The following RPA3 variants were observed in gnomAD, a reference collection of about 807,000 sequenced individuals.
The protein encoded by RPA3 is replication protein A3.
RPA3 carries 24 observed loss-of-function variants against 13.7 expected under a neutral mutation model. The ratio of observed to expected loss-of-function variants is 1.75; its 90% CI spans 1.27 to 2.46. The LOEUF is 2.46. Among genes scored for constraint, RPA3 ranks in the 30% most tolerant of loss-of-function variants. The pLI, the probability that RPA3 is intolerant of heterozygous loss-of-function variation, is 0.00. For synonymous variants in RPA3, 59 were observed against 51.2 expected (o/e 1.15, Z -0.65); for missense variants, 183 against 151.0 (o/e 1.21, Z -1.11).
chr7:7,708,442 A>G (rs1334486290), intron 2 of RPA3, among the ~76,000 whole-genome samples: 3 of 152,290 alleles, frequency 2.0e-5, no homozygotes, highest in Admixed American at 1.3e-4. Flanking sequence ...CCCTTATTCA[A>G]TCACCCATGT....
chr7:7,705,630 C>A (rs1290259159), intron 2 of RPA3, among the ~76,000 whole-genome samples: 1 of 152,072 alleles, frequency 6.6e-6, no homozygotes, highest in Non-Finnish European at 1.5e-5. Flanking sequence ...CAAGATGAAA[C>A]AGTCGAACTT....
At chr7:7,686,958 A>G (rs1373633123) in intron 3 of RPA3, among the ~76,000 whole-genome samples, 2 of 152,226 alleles carry the variant, frequency 1.3e-5, no homozygotes, top group Non-Finnish European at 2.9e-5. Flanking sequence ...GCCAGCATCT[A>G]AGACCATGAG....
intron 6 of RPA3, chr7:7,638,284 A>C (rs1784897598): frequency 4.4e-6 from 1 of 229,144 alleles, no homozygotes; most frequent in Non-Finnish European, 8.9e-6. Flanking sequence ...AATCTTCTAT[A>C]ATCTGTATTT....
intron 4 of RPA3, among the ~76,000 whole-genome samples, chr7:7,667,567 A>G (rs909106697): frequency 6.6e-6 from 1 of 152,162 alleles, no homozygotes; most frequent in African/African-American, 2.4e-5. Context: ...GTTTTGGATC[A>G]TTGTCTGGCC....
intron 2 of RPA3, among the ~76,000 whole-genome samples, chr7:7,713,475 C>G (rs986859537): frequency 2.0e-5 from 3 of 151,972 alleles, no homozygotes; most frequent in Non-Finnish European, 4.4e-5. Flanking sequence ...CTCCTCCCCC[C>G]CATGGCAATA....
rs570202941 is a variant in RPA3 at position 7,666,954 on chromosome 7, T to A, written c.-758+18876A>T. The stretch of plus-strand genomic sequence containing the variant: ...TCCTGAGTAGCTGGGATTGCAGGCG[T>A]GCGCCACCACATCCAGCTAATTTTT... On this transcript the variant is annotated intron_variant, in intron 4 of 7. Transcript: ENST00000223129. Among the ~76,000 whole-genome samples the A allele has an allele frequency of 2.6e-5, 4 of 152,250 alleles. No homozygotes were observed. In the East Asian group the frequency reaches 7.7e-4, roughly 29 times the overall value.
intron 4 of RPA3, among the ~76,000 whole-genome samples, chr7:7,677,292 A>T (rs1448719555): frequency 6.6e-6 from 1 of 152,154 alleles, no homozygotes; most frequent in Non-Finnish European, 1.5e-5. Flanking sequence ...ATATACAATA[A>T]ATTATTGTTA....
intron 2 of RPA3, among the ~76,000 whole-genome samples, chr7:7,711,021 C>T (rs532894189): frequency 1.4e-4 from 21 of 152,172 alleles, no homozygotes; most frequent in South Asian, 8.3e-4. Context: ...AATCATTGGT[C>T]GCCGGTGGGT....
intron 4 of RPA3, among the ~76,000 whole-genome samples, chr7:7,669,919 A>T (rs1183287464): frequency 6.6e-6 from 1 of 152,124 alleles, no homozygotes; most frequent in Non-Finnish European, 1.5e-5. Flanking sequence ...AGCCTAAATT[A>T]TCCCTCCTTC....
chr7:7,642,453 G>A (rs1784996188), intron 4 of RPA3, among the ~76,000 whole-genome samples: 1 of 134,122 alleles, frequency 7.5e-6, no homozygotes, highest in African/African-American at 2.8e-5. Context: ...GCCTTGGTGC[G>A]TACCCTGTAA....
intron 4 of RPA3, among the ~76,000 whole-genome samples, chr7:7,666,189 TTTG>T (rs1779451274): frequency 3.8e-5 from 1 of 26,056 alleles, no homozygotes; most frequent in Non-Finnish European, 9.8e-5. Context: ...GTGTTTTTTG[TTTG>T]TTTGTTTGTT....
chr7:7,698,319 T>G (rs1459791716), intron 2 of RPA3, among the ~76,000 whole-genome samples: 1 of 152,206 alleles, frequency 6.6e-6, no homozygotes, highest in Non-Finnish European at 1.5e-5. Flanking sequence ...ATTTTTTTAG[T>G]GCTTTTTAAA....
At chr7:7,698,301 T>C (rs1780364866) in intron 2 of RPA3, among the ~76,000 whole-genome samples, 1 of 152,186 alleles carries the variant, frequency 6.6e-6, no homozygotes, top group Non-Finnish European at 1.5e-5. Context: ...TTGAAGTAAC[T>C]AGAGAAAATT....
At chr7:7,700,319 C>T (rs929715756) in intron 2 of RPA3, among the ~76,000 whole-genome samples, 3 of 152,128 alleles carry the variant, frequency 2.0e-5, no homozygotes, top group African/African-American at 7.2e-5. Context: ...CAAAGTACCT[C>T]CCAAAGGTCT....
intron 4 of RPA3, among the ~76,000 whole-genome samples, chr7:7,648,175 CAGG>C (rs1394956675): frequency 6.6e-6 from 1 of 152,170 alleles, no homozygotes; most frequent in Non-Finnish European, 1.5e-5. Context: ...CGTTCTAAAT[CAGG>C]AGATTTCCAT....
chr7:7,696,825 T>C (rs1780330823), intron 2 of RPA3, among the ~76,000 whole-genome samples: 1 of 152,012 alleles, frequency 6.6e-6, no homozygotes, highest in African/African-American at 2.4e-5. Flanking sequence ...ATGTTCTCTC[T>C]TTTTCTTTCT....
rs1381952994 is a variant in RPA3, at chr7:7,642,174, A to G, written c.-757-999T>C. On this transcript the variant is annotated intron_variant, in intron 4 of 7. Transcript: ENST00000223129. ...TTTTGAGGCAAGATCTCTCTCTGTCACCCAGACTGGAGTGCAGTAGCATGC... is the reference window on the plus strand; with the variant it reads ...TTTTGAGGCAAGATCTCTCTCTGTCGCCCAGACTGGAGTGCAGTAGCATGC... Among the ~76,000 whole-genome samples, 3 of 152,234 alleles carry G rather than the reference A, an allele frequency of 2.0e-5. No homozygotes were observed. In the East Asian group the frequency reaches 5.8e-4, roughly 29 times the overall value.
At chr7:7,705,157 G>T (rs2115161239) in intron 2 of RPA3, among the ~76,000 whole-genome samples, 1 of 152,282 alleles carries the variant, frequency 6.6e-6, no homozygotes, top group African/African-American at 2.4e-5. Flanking sequence ...ATGATGAGAA[G>T]AGATCTCAAC....
chr7:7,695,104 G>A (rs1174299626), intron 2 of RPA3, among the ~76,000 whole-genome samples: 1 of 152,118 alleles, frequency 6.6e-6, no homozygotes, highest in African/African-American at 2.4e-5. Flanking sequence ...ATGATATCTT[G>A]TTGTAATTAT....
Sources: allele counts gnomAD v4.1 joint callset (sites outside exome capture counted in the v4.1 genomes callset), GRCh38; gene constraint gnomAD v4.1.1; transcripts MANE v1.5; gene names NCBI Gene and HGNC (gene_info 2026-07-23, HGNC 2026-07-21).